Variants in ZBTB20 observed in about 807,000 individuals in gnomAD.
ZBTB20 encodes zinc finger and BTB domain-containing protein 20.
In ZBTB20, 9 loss-of-function variants were observed where a neutral mutation model predicts 56.9. That is an observed-to-expected ratio of 0.16 (90% CI 0.10 to 0.28). ZBTB20 has a LOEUF of 0.28. Ranked by LOEUF, ZBTB20 falls within the 10% of genes least tolerant of loss-of-function variation. ZBTB20 has a pLI of 1.00. For synonymous variants in ZBTB20, 417 were observed against 420.7 expected (o/e 0.99, Z 0.11); for missense variants, 655 against 1,003.0 (o/e 0.65, Z 4.69).
chr3:115,115,167 T>G (rs1294214825), intron 1 of ZBTB20, among the ~76,000 whole-genome samples: 1 of 152,132 alleles, frequency 6.6e-6, no homozygotes, highest in Non-Finnish European at 1.5e-5. Context: ...CTACAGCACT[T>G]GTGTGTACTT....
At chr3:114,990,415 G>T (rs1009269920) in intron 2 of ZBTB20, among the ~76,000 whole-genome samples, 4 of 152,120 alleles carry the variant, frequency 2.6e-5, no homozygotes, top group Non-Finnish European at 5.9e-5. Context: ...TTATTGATTT[G>T]TGTATGTTGA....
At chr3:115,012,784 T>C (rs1447773271) in intron 2 of ZBTB20, among the ~76,000 whole-genome samples, 22 of 151,782 alleles carry the variant, frequency 1.4e-4, no homozygotes, top group Admixed American at 1.3e-3. Flanking sequence ...CCTCAGCACA[T>C]AGTTCATACT....
At chr3:114,380,644 C>A in intron 9 of ZBTB20, 133 bp downstream of exon 9, 1 of 1,317,948 alleles carries the variant, frequency 7.6e-7, no homozygotes, top group Non-Finnish European at 1.0e-6. Context: ...ACTCTGTTGG[C>A]TGCATAAAAA....
chr3:114,389,534 T>C lies in ZBTB20; in HGVS notation c.-254-429A>G, dbSNP rs530746128. On this transcript the variant is annotated intron_variant, in intron 7 of 11. Transcript: ENST00000675478. ...CACACATAAAAATTGTATATATTTA[T>C]GGTATAAAACATGTTTTGATACATG... 3.9e-5 allele frequency among the ~76,000 whole-genome samples: 6 copies of C among 152,234 alleles called. No homozygotes were observed. In the East Asian group the frequency reaches 1.2e-3, roughly 29 times the overall value.
chr3:115,120,788 G>A (rs2084163128), intron 1 of ZBTB20, among the ~76,000 whole-genome samples: 1 of 151,992 alleles, frequency 6.6e-6, no homozygotes, highest in East Asian at 1.9e-4. Flanking sequence ...GTAACAGATT[G>A]GCACCATAGA....
intron 2 of ZBTB20, among the ~76,000 whole-genome samples, chr3:114,985,612 TACA>T (rs2078506802): frequency 6.6e-6 from 1 of 152,068 alleles, no homozygotes; most frequent in African/African-American, 2.4e-5. Flanking sequence ...TGAAAGTAGT[TACA>T]ACGACACATA....
At chr3:114,991,936 T>C (rs953119863) in intron 2 of ZBTB20, among the ~76,000 whole-genome samples, 2 of 152,108 alleles carry the variant, frequency 1.3e-5, no homozygotes, top group Admixed American at 6.6e-5. Context: ...CCACTGCCTT[T>C]TTTTGTTTTC....
intron 4 of ZBTB20, among the ~76,000 whole-genome samples, chr3:114,824,085 C>T (rs1169677054): frequency 6.6e-6 from 1 of 151,844 alleles, no homozygotes; most frequent in Non-Finnish European, 1.5e-5. Flanking sequence ...GGAAACGCTC[C>T]TCAAAGTGAA....
At chr3:114,551,688 T>C (rs1026370738) in intron 6 of ZBTB20, among the ~76,000 whole-genome samples, 2 of 152,248 alleles carry the variant, frequency 1.3e-5, no homozygotes, top group African/African-American at 4.8e-5. Context: ...GCTTCTATTC[T>C]TATAAATTAG....
At chr3:114,805,804 A>G (rs2072061377) in intron 4 of ZBTB20, among the ~76,000 whole-genome samples, 1 of 151,786 alleles carries the variant, frequency 6.6e-6, no homozygotes, top group Admixed American at 6.6e-5. Context: ...CTCTCTATAA[A>G]TTTGCCCTTT....
At chr3:114,818,326 T>G (rs1246347055) in intron 4 of ZBTB20, among the ~76,000 whole-genome samples, 2 of 152,156 alleles carry the variant, frequency 1.3e-5, no homozygotes, top group Non-Finnish European at 1.5e-5. Context: ...CTCTGAAAGT[T>G]TTCTTAATAA....
At chr3:115,047,344 C>A (rs2081369968) in intron 2 of ZBTB20, among the ~76,000 whole-genome samples, 1 of 152,174 alleles carries the variant, frequency 6.6e-6, no homozygotes. Flanking sequence ...ATACTTGGAA[C>A]CAGAGGAATC....
chr3:114,937,885 C>A, intron 3 of ZBTB20, among the ~76,000 whole-genome samples: 1 of 151,914 alleles, frequency 6.6e-6, no homozygotes, highest in Non-Finnish European at 1.5e-5. Context: ...ATCACAAGGT[C>A]AGGAGATCAA....
chr3:114,875,831 T>C lies in ZBTB20; in HGVS notation c.-417+24473A>G, dbSNP rs766397051. 4.6e-4 allele frequency among the ~76,000 whole-genome samples: 70 copies of C among 152,178 alleles called. 1 individual carries two copies. The highest frequency in any genetic ancestry group is 7.5e-4 in the Non-Finnish European group (51 of 68,032). ...TAAAATAATAATTTAGGAAGGTGCT[T>C]TGTGAACTGCAAGACACTTTACGTA... On this transcript the variant is annotated intron_variant, in intron 4 of 11. Transcript: ENST00000675478.
chr3:114,606,715 C>T (rs577864379), intron 6 of ZBTB20, among the ~76,000 whole-genome samples: 2 of 152,292 alleles, frequency 1.3e-5, no homozygotes, highest in South Asian at 2.1e-4. Context: ...TTCTCTCTTT[C>T]CTATTTCTTC....
chr3:115,139,507 A>T (rs975960510), intron 1 of ZBTB20, among the ~76,000 whole-genome samples: 1 of 152,000 alleles, frequency 6.6e-6, no homozygotes, highest in Non-Finnish European at 1.5e-5. Context: ...CTTCCTTCCT[A>T]TGTAAATCTA....
At chr3:115,041,112 A>C (rs931101731) in intron 2 of ZBTB20, among the ~76,000 whole-genome samples, 14 of 152,170 alleles carry the variant, frequency 9.2e-5, no homozygotes, top group Admixed American at 3.9e-4. Context: ...TATTTGGATA[A>C]AATTAAAAAT....
chr3:114,425,434 A>G (rs1444178933), intron 7 of ZBTB20, among the ~76,000 whole-genome samples: 2 of 152,212 alleles, frequency 1.3e-5, no homozygotes, highest in African/African-American at 4.8e-5. Context: ...CAAAATTTGA[A>G]TACTGACTGA....
At chr3:115,014,666 A>G (rs1183543166) in intron 2 of ZBTB20, among the ~76,000 whole-genome samples, 1 of 151,728 alleles carries the variant, frequency 6.6e-6, no homozygotes, top group Non-Finnish European at 1.5e-5. Context: ...TGTAGCGATG[A>G]ACCAAAAAGT....
Sources: gnomAD v4.1 joint callset for allele counts (sites outside exome capture counted in the v4.1 genomes callset) on GRCh38, gnomAD v4.1.1 for gene constraint, MANE v1.5 for transcripts, NCBI Gene and HGNC (gene_info 2026-07-23, HGNC 2026-07-21) for gene names.